The following EVI5 variants were observed in gnomAD, a reference collection of about 807,000 sequenced individuals.
EVI5 encodes ecotropic viral integration site 5 protein homolog.
A neutral mutation model predicts 112.0 loss-of-function variants in EVI5; 73 were observed. That is an observed-to-expected ratio of 0.65 (90% CI 0.54 to 0.79). The LOEUF (loss-of-function observed/expected upper bound fraction) is 0.79, where lower values mean the gene tolerates loss of function less well. Among genes scored for constraint, EVI5 ranks in the 30% least tolerant of loss-of-function variants. EVI5 has a pLI of 0.00. For synonymous variants in EVI5, 305 were observed against 319.9 expected (o/e 0.95, Z 0.50); for missense variants, 900 against 968.8 (o/e 0.93, Z 0.94).
At chr1:92,627,258 C>CT in intron 14 of EVI5, among the ~76,000 whole-genome samples, 1 of 152,308 alleles carries the variant, frequency 6.6e-6, no homozygotes, top group Middle Eastern at 3.4e-3. Context: ...TGAGAACATA[C>CT]GATGCTTGGT....
rs893186313 is a variant in EVI5 at position 92,513,710 on chromosome 1, C to T, written c.2427G>A (p.Val809=). ...TTCTCGGGGGCCGCTCCTTTTGAAC[C>T]ACTTGGTTGCTCTCTCTGGTCTCCA... The part of the protein sequence containing the change: ...SVLETRESNQ[V]VQKERPPRRR... Residue 809 remains valine, a synonymous_variant, in exon 20 of 20, where the codon GTG becomes GTA. Transcript: ENST00000684568. The T allele has an allele frequency of 6.2e-7, 1 of 1,607,040 alleles. No homozygotes were observed. The highest frequency in any genetic ancestry group is 1.3e-5 in the African/African-American group (1 of 74,224).
Position 92,695,429 on chromosome 1 carries a change from G to A in EVI5, c.790C>T (p.His264Tyr), listed in dbSNP as rs200887719. The A allele has an allele frequency of 7.5e-6, 12 of 1,605,418 alleles. No individual in the cohort carries two copies. The African/African-American group carries it at 1.5e-4, about 20-fold the overall frequency. The change falls in exon 7 of 20, where the codon CAT becomes TAT. Residue 264 changes from histidine to tyrosine, a missense_variant. Coordinates refer to ENST00000684568, the MANE Select transcript of EVI5 (RefSeq NM_001350197.2). ...GTATGAAAACTCTGAGATTGAAAAT[G>A]TACAAAGAGCTCTGGAAGATGCTCC... ...IQEHLPELFV[H>Y]FQSQSFHTSM...
intron 1 of EVI5, among the ~76,000 whole-genome samples, chr1:92,742,825 G>A (rs188330236): frequency 1.3e-5 from 2 of 152,274 alleles, no homozygotes; most frequent in African/African-American, 4.8e-5. Flanking sequence ...AGCTGCTGTC[G>A]AAAACAGTAT....
intron 1 of EVI5, among the ~76,000 whole-genome samples, chr1:92,765,647 TCAA>T (rs1264807504): frequency 2.6e-5 from 4 of 152,160 alleles, no homozygotes; most frequent in Non-Finnish European, 5.9e-5. Flanking sequence ...CAAATTCTTT[TCAA>T]CACAGAATTT....
At chr1:92,766,412 T>A (rs148350324) in intron 1 of EVI5, among the ~76,000 whole-genome samples, 2,887 of 152,084 alleles carry the variant, frequency 0.019, 107 homozygotes, top group African/African-American at 0.065. Context: ...AAATACAAAT[T>A]CAGAACAAGT....
At chr1:92,637,300 C>T (rs1659071498) in intron 13 of EVI5, among the ~76,000 whole-genome samples, 1 of 151,788 alleles carries the variant, frequency 6.6e-6, no homozygotes, top group South Asian at 2.1e-4. Flanking sequence ...ATGGCTTGAG[C>T]CCGGGAGGTG....
At chr1:92,721,988 A>C (rs1290671308) in intron 2 of EVI5, among the ~76,000 whole-genome samples, 1 of 152,174 alleles carries the variant, frequency 6.6e-6, no homozygotes, top group African/African-American at 2.4e-5. Flanking sequence ...TATACCCTTT[A>C]GCACTGTCTG....
intron 1 of EVI5, among the ~76,000 whole-genome samples, chr1:92,754,098 C>T (rs1570774759): frequency 6.6e-6 from 1 of 152,136 alleles, no homozygotes; most frequent in Non-Finnish European, 1.5e-5. Flanking sequence ...GCATTAGTAG[C>T]TGAGAGGCTT....
intron 1 of EVI5, among the ~76,000 whole-genome samples, chr1:92,746,295 T>C (rs189092943): frequency 2.5e-3 from 381 of 152,386 alleles, no homozygotes; most frequent in Non-Finnish European, 4.1e-3. Flanking sequence ...GTCTAAGGCC[T>C]TTCCTTTTTA....
intron 19 of EVI5, among the ~76,000 whole-genome samples, chr1:92,536,309 A>G (rs1663882233): frequency 6.6e-6 from 1 of 152,218 alleles, no homozygotes; most frequent in Admixed American, 6.5e-5. Context: ...GGAAAGCGAT[A>G]AGTTATTATA....
At chr1:92,787,739 CAAAA>C (rs113716389), upstream of EVI5, among the ~76,000 whole-genome samples, 1 of 116,970 alleles carries the variant, frequency 8.5e-6, no homozygotes, top group Non-Finnish European at 1.8e-5. Flanking sequence ...GATCTTGTCT[CAAAA>C]AAAAAAAAAA....
intron 15 of EVI5, among the ~76,000 whole-genome samples, chr1:92,624,689 C>CAAAAAA (rs141559165): frequency 2.9e-4 from 15 of 51,762 alleles, no homozygotes; most frequent in South Asian, 1.1e-3. Flanking sequence ...GTCTCTACTT[C>CAAAAAA]AAAAAAAAAA....
At chr1:92,606,886 T>TCACACACACA (rs559617956) in intron 17 of EVI5, among the ~76,000 whole-genome samples, 7 of 66,328 alleles carry the variant, frequency 1.1e-4, no homozygotes, top group African/African-American at 6.1e-4. Flanking sequence ...TTTAGTTATT[T>TCACACACACA]CACACACACA....
At chr1:92,613,049 G>A (rs1320008390) in intron 16 of EVI5, among the ~76,000 whole-genome samples, 1 of 152,174 alleles carries the variant, frequency 6.6e-6, no homozygotes, top group East Asian at 1.9e-4. Context: ...GGGAATAGCA[G>A]TCACTATAGG....
intron 1 of EVI5, among the ~76,000 whole-genome samples, chr1:92,770,396 T>C (rs1269191599): frequency 6.6e-6 from 1 of 152,222 alleles, no homozygotes; most frequent in Non-Finnish European, 1.5e-5. Context: ...TATTAATATA[T>C]GTTAAAGACA....
At chr1:92,605,257 G>A (rs200887333) in intron 18 of EVI5, 50 bp downstream of exon 18, 4 of 1,188,796 alleles carry the variant, frequency 3.4e-6, no homozygotes, top group East Asian at 2.3e-5. Context: ...AGACAAAGAG[G>A]ATAGAAGAAA....
chr1:92,661,432 A>C (rs1396156800), intron 13 of EVI5, among the ~76,000 whole-genome samples: 1 of 152,124 alleles, frequency 6.6e-6, no homozygotes, highest in Non-Finnish European at 1.5e-5. Context: ...ACAATGTAAA[A>C]AATTTAATTC....
At chr1:92,687,651 G>A (rs1668788558) in intron 9 of EVI5, among the ~76,000 whole-genome samples, 1 of 152,026 alleles carries the variant, frequency 6.6e-6, no homozygotes, top group African/African-American at 2.4e-5. Flanking sequence ...TCTGACAAAG[G>A]GCTAATATCC....
chr1:92,740,041 A>C (rs1183251278), intron 1 of EVI5, among the ~76,000 whole-genome samples: 2 of 151,610 alleles, frequency 1.3e-5, no homozygotes, highest in Non-Finnish European at 2.9e-5. Context: ...AGCTATATAC[A>C]GATGTCACAA....
Sources: gnomAD v4.1 joint callset for allele counts (sites outside exome capture counted in the v4.1 genomes callset) on GRCh38, gnomAD v4.1.1 for gene constraint, MANE v1.5 for transcripts, NCBI Gene and HGNC (gene_info 2026-07-23, HGNC 2026-07-21) for gene names.